Variants in IL1RAPL2 observed in about 807,000 individuals in gnomAD.
IL1RAPL2 encodes interleukin 1 receptor accessory protein like 2.
IL1RAPL2 carries 3 observed loss-of-function variants against 44.1 expected under a neutral mutation model. That is an observed-to-expected ratio of 0.07 (90% CI 0.03 to 0.18). The LOEUF (loss-of-function observed/expected upper bound fraction) is 0.18. Ranked by LOEUF, IL1RAPL2 falls within the 10% of genes least tolerant of loss-of-function variation. IL1RAPL2 has a pLI of 1.00. For missense variants in IL1RAPL2, 391 were observed against 496.4 expected (o/e 0.79, Z 2.02); for synonymous variants, 181 against 178.8 (o/e 1.01, Z -0.10).
intron 6 of IL1RAPL2, among the ~76,000 whole-genome samples, chrX:105,549,714 A>T (rs941162912): frequency 3.6e-5 from 4 of 111,247 alleles, no homozygotes. Flanking sequence ...ACTACCTTTC[A>T]TAGGTATAAA....
chrX:105,151,073 A>C (rs545504000), intron 2 of IL1RAPL2, among the ~76,000 whole-genome samples: 1 of 111,946 alleles, frequency 8.9e-6, no homozygotes, highest in South Asian at 3.7e-4. Context: ...CTTGATAAAA[A>C]GTTGATCAAA....
At chrX:104,892,490 G>A (rs1306382814) in intron 2 of IL1RAPL2, among the ~76,000 whole-genome samples, 1 of 111,218 alleles carries the variant, frequency 9.0e-6, no homozygotes, top group Non-Finnish European at 1.9e-5. Context: ...GTCTATTCAG[G>A]GATTCAACTT....
chrX:105,115,986 C>A (rs1302917137), intron 2 of IL1RAPL2, among the ~76,000 whole-genome samples: 1 of 113,327 alleles, frequency 8.8e-6, no homozygotes, highest in Non-Finnish European at 1.9e-5. Flanking sequence ...GGCTTGTGGG[C>A]CAGCCAGCAG....
chrX:105,130,657 A>G (rs907191731), intron 2 of IL1RAPL2, among the ~76,000 whole-genome samples: 2 of 111,504 alleles, frequency 1.8e-5, no homozygotes, highest in African/African-American at 6.5e-5. Context: ...TGTGTTATAC[A>G]AATAGATATA....
chrX:105,212,881 G>A (rs1164756989), intron 3 of IL1RAPL2, among the ~76,000 whole-genome samples: 1 of 112,200 alleles, frequency 8.9e-6, no homozygotes, highest in African/African-American at 3.2e-5. Flanking sequence ...ACCTGCAGAA[G>A]AGGGACGTGA....
chrX:105,381,352 C>A (rs1452761382), intron 5 of IL1RAPL2, among the ~76,000 whole-genome samples: 2 of 111,775 alleles, frequency 1.8e-5, no homozygotes, highest in African/African-American at 6.5e-5. Flanking sequence ...TGCCATTCTT[C>A]TCAACACTCT....
intron 2 of IL1RAPL2, among the ~76,000 whole-genome samples, chrX:104,852,082 A>G (rs1922240695): frequency 8.9e-6 from 1 of 111,758 alleles, no homozygotes; most frequent in African/African-American, 3.3e-5. Flanking sequence ...TCCAAACCAT[A>G]GCAACACCAT....
intron 1 of IL1RAPL2, among the ~76,000 whole-genome samples, chrX:104,614,597 A>G: frequency 9.0e-6 from 1 of 111,683 alleles, no homozygotes; most frequent in East Asian, 2.8e-4. Flanking sequence ...TGCCTTGATG[A>G]TCTGTCTAGT....
At chrX:105,159,311 T>C (rs1195884919) in intron 2 of IL1RAPL2, among the ~76,000 whole-genome samples, 1 of 111,424 alleles carries the variant, frequency 9.0e-6, no homozygotes. Flanking sequence ...ATGAGGAAAA[T>C]TTCAAGTGCT....
intron 2 of IL1RAPL2, among the ~76,000 whole-genome samples, chrX:105,053,543 A>G (rs2147528646): frequency 9.0e-6 from 1 of 111,514 alleles, no homozygotes; most frequent in Non-Finnish European, 1.9e-5. Flanking sequence ...GATTGAGTAT[A>G]GAATTTATAC....
At chrX:104,924,093 A>G (rs1274636724) in intron 2 of IL1RAPL2, among the ~76,000 whole-genome samples, 2 of 111,149 alleles carry the variant, frequency 1.8e-5, no homozygotes, top group African/African-American at 3.3e-5. Context: ...AAAGGGTTCA[A>G]TACAGCAAGA....
chrX:105,035,810 A>G (rs2031618807), intron 2 of IL1RAPL2, among the ~76,000 whole-genome samples: 1 of 112,626 alleles, frequency 8.9e-6, no homozygotes, highest in Admixed American at 9.4e-5. Flanking sequence ...AGCAATGTGT[A>G]CCTTTTATTC....
At chrX:105,484,823 C>A (rs1376047569) in intron 6 of IL1RAPL2, among the ~76,000 whole-genome samples, 2 of 111,564 alleles carry the variant, frequency 1.8e-5, no homozygotes, top group East Asian at 5.6e-4. Flanking sequence ...ATATCACAAT[C>A]CAGGGTCATT....
At chrX:105,619,029 T>C (rs766008229) in intron 6 of IL1RAPL2, among the ~76,000 whole-genome samples, 1 of 110,857 alleles carries the variant, frequency 9.0e-6, no homozygotes, top group Non-Finnish European at 1.9e-5. Context: ...CCCTCTAGAG[T>C]TCTTAGTCGG....
chrX:104,887,836 G>A (rs1402755696), intron 2 of IL1RAPL2, among the ~76,000 whole-genome samples: 2 of 111,788 alleles, frequency 1.8e-5, no homozygotes, highest in African/African-American at 3.3e-5. Flanking sequence ...TTAAGGGCAG[G>A]TTATGCCATA....
chrX:105,563,788 G>T (rs1023363576), intron 6 of IL1RAPL2, among the ~76,000 whole-genome samples: 7 of 110,986 alleles, frequency 6.3e-5, no homozygotes, highest in African/African-American at 2.3e-4. Flanking sequence ...CAAAATACAT[G>T]GAGAAAAAAA....
chrX:105,553,918 G>T (rs756348528), intron 6 of IL1RAPL2, among the ~76,000 whole-genome samples: 22 of 112,536 alleles, frequency 2.0e-4, no homozygotes, highest in Admixed American at 1.8e-3. Context: ...AATTGTACAG[G>T]TCCTTTCCCA....
chrX:105,702,723 A>G (rs1380000148), intron 6 of IL1RAPL2, among the ~76,000 whole-genome samples: 28 of 111,799 alleles, frequency 2.5e-4, no homozygotes, highest in Non-Finnish European at 1.3e-4. Flanking sequence ...TTGGACTCCA[A>G]ACTTAGTGTA....
chrX:105,255,155 G>A (rs958428008), intron 4 of IL1RAPL2, among the ~76,000 whole-genome samples: 3 of 111,449 alleles, frequency 2.7e-5, no homozygotes, highest in African/African-American at 9.8e-5. Context: ...TAATAATATT[G>A]ATTCTTCCTA....
Sources: gnomAD v4.1 joint callset for allele counts (sites outside exome capture counted in the v4.1 genomes callset) on GRCh38, gnomAD v4.1.1 for gene constraint, MANE v1.5 for transcripts, NCBI Gene and HGNC (gene_info 2026-07-23, HGNC 2026-07-21) for gene names.